The following SLCO3A1 variants were observed in gnomAD, a reference collection of about 807,000 sequenced individuals.
The protein encoded by SLCO3A1 is solute carrier organic anion transporter family member 3A1, also known as PGE1 transporter.
A neutral mutation model predicts 63.1 loss-of-function variants in SLCO3A1; 27 were observed. The ratio of observed to expected loss-of-function variants is 0.43; its 90% confidence interval spans 0.32 to 0.59. The LOEUF is 0.59. Among genes scored for constraint, SLCO3A1 ranks in the 20% least tolerant of loss-of-function variants. SLCO3A1 has a pLI of 0.09. For synonymous variants in SLCO3A1, 473 were observed against 409.9 expected, an observed-to-expected ratio of 1.15 and a Z score of -1.86; for missense variants, 773 against 945.8, an observed-to-expected ratio of 0.82 and a Z score of 2.40.
At chr15:91,901,712 G>A (rs1407171632) in intron 1 of SLCO3A1, among the ~76,000 whole-genome samples, 1 of 152,092 alleles carries the variant, frequency 6.6e-6, no homozygotes, top group African/African-American at 2.4e-5. Context: ...GAGGACCCTG[G>A]GTATGTGATG....
chr15:91,899,143 C>T (rs1370941224), intron 1 of SLCO3A1, among the ~76,000 whole-genome samples: 1 of 152,150 alleles, frequency 6.6e-6, no homozygotes. Context: ...CAAATGTACC[C>T]CAGAAACATT....
chr15:91,883,985 A>G lies in SLCO3A1; in HGVS notation c.180+29897A>G, dbSNP rs112034048. ...CCTGACTGGAAAGCTTTATCACCATAGCATCATACATACAGTCACATTAAT... is the reference window on the plus strand; with the variant it reads ...CCTGACTGGAAAGCTTTATCACCATGGCATCATACATACAGTCACATTAAT... On this transcript the variant is annotated intron_variant, in intron 1 of 9. Transcript: ENST00000318445. This position sits in a 1 kb window ranked among gnomAD's most constrained non-coding sequence, Gnocchi z 4.8. Among the ~76,000 whole-genome samples, 5 of 152,352 alleles carry G rather than the reference A, an allele frequency of 3.3e-5. No individual in the cohort carries two copies. The highest frequency in any genetic ancestry group is 1.2e-4 in the African/African-American group (5 of 41,578).
At chr15:92,053,772 C>T (rs1430706203) in intron 2 of SLCO3A1, among the ~76,000 whole-genome samples, 2 of 149,952 alleles carry the variant, frequency 1.3e-5, no homozygotes, top group East Asian at 3.9e-4. Context: ...GGTAAATTGT[C>T]ATTCTCATCC....
chr15:92,004,174 G>T (rs1423779403), intron 2 of SLCO3A1, among the ~76,000 whole-genome samples: 2 of 152,188 alleles, frequency 1.3e-5, no homozygotes, highest in Non-Finnish European at 2.9e-5. Flanking sequence ...TCACAGGAAA[G>T]GTGGAGAGCC....
At chr15:91,958,983 A>G (rs1169313105) in intron 2 of SLCO3A1, among the ~76,000 whole-genome samples, 1 of 152,236 alleles carries the variant, frequency 6.6e-6, no homozygotes. Flanking sequence ...TGTTTATAGC[A>G]GCACAGCTTA....
intron 9 of SLCO3A1, chr15:92,153,604 A>G (rs1006344292): frequency 1.3e-5 from 2 of 152,270 alleles, no homozygotes; most frequent in Non-Finnish European, 2.9e-5. Flanking sequence ...CAATGGGGAT[A>G]CAATGGGGAC....
intron 4 of SLCO3A1, among the ~76,000 whole-genome samples, chr15:92,119,330 G>C (rs2151559783): frequency 6.6e-6 from 1 of 152,306 alleles, no homozygotes; most frequent in South Asian, 2.1e-4. Context: ...GAAAAATAGA[G>C]TAAAATAAAG....
In SLCO3A1 at chr15:91,875,478, C is replaced by T. The variant is rs984571186; in HGVS notation, c.180+21390C>T. 3.3e-5 allele frequency among the ~76,000 whole-genome samples: 5 copies of T among 152,186 alleles called. No homozygotes were observed. In the South Asian group the frequency reaches 8.3e-4, roughly 25 times the overall value. On this transcript the variant is annotated intron_variant, in intron 1 of 9. Transcript: ENST00000318445. This position sits in a 1 kb window ranked among gnomAD's most constrained non-coding sequence, Gnocchi z 4.5. Reference sequence around the variant, plus strand: ...TCCCAGCTCTGCCCGTCACATGTGACGTAAACCTAGGTTGGTTCCTCCCCC... The same window carrying T: ...TCCCAGCTCTGCCCGTCACATGTGATGTAAACCTAGGTTGGTTCCTCCCCC...
intron 3 of SLCO3A1, among the ~76,000 whole-genome samples, chr15:92,099,556 G>A (rs2047579521): frequency 6.6e-6 from 1 of 152,158 alleles, no homozygotes; most frequent in Non-Finnish European, 1.5e-5. Context: ...GTGTGGGTGG[G>A]TTGGTTGGTT....
At chr15:91,964,343 T>C (rs916783980) in intron 2 of SLCO3A1, among the ~76,000 whole-genome samples, 4 of 152,172 alleles carry the variant, frequency 2.6e-5, no homozygotes, top group Non-Finnish European at 5.9e-5. Context: ...TTGATAGTGC[T>C]TTATACTTTC....
intron 2 of SLCO3A1, among the ~76,000 whole-genome samples, chr15:92,032,475 C>T (rs947528721): frequency 6.6e-6 from 1 of 152,020 alleles, no homozygotes. Flanking sequence ...TTTTCATTAC[C>T]ATAGAGTCAG....
chr15:91,966,856 A>G (rs1310534559), intron 2 of SLCO3A1, among the ~76,000 whole-genome samples: 2 of 152,180 alleles, frequency 1.3e-5, no homozygotes, highest in Non-Finnish European at 2.9e-5. Context: ...GGCGCTTTGT[A>G]GAATGTAAAA....
chr15:91,858,465 G>A (rs1226786083), intron 1 of SLCO3A1, among the ~76,000 whole-genome samples: 1 of 152,040 alleles, frequency 6.6e-6, no homozygotes, highest in Non-Finnish European at 1.5e-5. Context: ...TTTCAGCCAG[G>A]TTTGTGTATT....
At chr15:91,876,636 G>T (rs4130773) in intron 1 of SLCO3A1, among the ~76,000 whole-genome samples, 3 of 152,236 alleles carry the variant, frequency 2.0e-5, no homozygotes, top group Non-Finnish European at 2.9e-5. Context: ...CCCTCCTGCA[G>T]ATCTGAGGCT....
intron 2 of SLCO3A1, among the ~76,000 whole-genome samples, chr15:92,017,290 G>GGT (rs2046449827): frequency 6.6e-6 from 1 of 152,116 alleles, no homozygotes; most frequent in Non-Finnish European, 1.5e-5. Flanking sequence ...GGGATTGGGG[G>GGT]GGGGTAGGGA....
intron 2 of SLCO3A1, among the ~76,000 whole-genome samples, chr15:92,034,701 G>A (rs1180515998): frequency 6.6e-5 from 10 of 151,812 alleles, no homozygotes; most frequent in South Asian, 2.1e-4. Flanking sequence ...ATCAGGTCAG[G>A]TGACAGCGAC....
chr15:92,048,167 A>G (rs769056845), intron 2 of SLCO3A1, among the ~76,000 whole-genome samples: 2 of 151,798 alleles, frequency 1.3e-5, no homozygotes, highest in Non-Finnish European at 2.9e-5. Context: ...CCTCCCCAGA[A>G]CCCCAGTATC....
At chr15:92,007,701 C>T (rs920330794) in intron 2 of SLCO3A1, among the ~76,000 whole-genome samples, 11 of 152,002 alleles carry the variant, frequency 7.2e-5, no homozygotes, top group Non-Finnish European at 1.3e-4. Context: ...CTGGAGAGGG[C>T]GTGGAGGAAG....
intron 2 of SLCO3A1, among the ~76,000 whole-genome samples, chr15:91,928,915 G>C (rs913348757): frequency 3.0e-4 from 45 of 152,310 alleles, no homozygotes; most frequent in Non-Finnish European, 2.5e-4. Context: ...ACTTGGACTT[G>C]AGTGTTTCAC....
Sources: gnomAD v4.1 joint callset for allele counts (sites outside exome capture counted in the v4.1 genomes callset) on GRCh38, gnomAD v4.1.1 for gene constraint, Gnocchi (gnomAD v3.1) non-coding constraint, MANE v1.5 for transcripts, NCBI Gene and HGNC (gene_info 2026-07-23, HGNC 2026-07-21) for gene names.